The following VWF variants were observed in gnomAD, a reference collection of about 807,000 sequenced individuals.
VWF encodes von Willebrand factor.
VWF carries 176 observed loss-of-function variants against 308.6 expected under a neutral mutation model. The observed-to-expected ratio is 0.57, with a 90% CI of 0.50 to 0.65. The LOEUF (loss-of-function observed/expected upper bound fraction) is 0.65. Ranked by LOEUF, VWF falls within the 30% of genes least tolerant of loss-of-function variation. The pLI is 0.00. For missense variants in VWF, 3,146 were observed against 3,648.2 expected, an observed-to-expected ratio of 0.86 and a Z score of 3.55; for synonymous variants, 1,385 against 1,443.4, an observed-to-expected ratio of 0.96 and a Z score of 0.92.
At chr12:6,069,277 GT>G (rs1447214088) in intron 10 of VWF, among the ~76,000 whole-genome samples, 1 of 152,096 alleles carries the variant, frequency 6.6e-6, no homozygotes, top group African/African-American at 2.4e-5. Flanking sequence ...ACTCATCCAA[GT>G]TCCCAAAGAA....
chr12:6,075,493 G>A lies in VWF; in HGVS notation c.716C>T (p.Pro239Leu). 3 of 1,614,240 alleles carry A rather than the reference G, an allele frequency of 1.9e-6. No homozygotes were observed. In the African/African-American group the frequency reaches 4.0e-5, roughly 22 times the overall value. Residue 239 changes from proline to leucine, a missense_variant, in exon 7 of 52, where the codon CCT (proline) becomes CTT (leucine). This residue lies in a region of VWF where 1,304 missense variants were observed against 1,353.0 expected (regional missense o/e 0.96). Transcript: ENST00000261405. The surrounding 1 kb of genome is among the most constrained non-coding windows in gnomAD (Gnocchi z 4.7). ...KSTSVFARCHPLVDPEPFVAL... is the reference protein window; with the variant it reads ...KSTSVFARCHLLVDPEPFVAL... ...CACAAAAGGCTCGGGGTCCACCAGA[G>A]GGTGGCAGCGGGCAAACACCGAGGT...
rs756900095 is a variant in VWF, at chr12:6,016,502, G to A, written c.5311+14C>T. Reference sequence around the variant, plus strand: ...AATGCAGCTTCTGCATCCAGCCTGTGGCACCAACGTTACCGATTTGGCTGG... The same window carrying A: ...AATGCAGCTTCTGCATCCAGCCTGTAGCACCAACGTTACCGATTTGGCTGG... On this transcript the variant is annotated intron_variant, in intron 30 of 51. Coordinates refer to ENST00000261405, the MANE Select transcript of VWF (RefSeq NM_000552.5). The A allele has an allele frequency of 6.2e-7, 1 of 1,612,902 alleles. No individual in the cohort carries two copies. Among genetic ancestry groups the A allele is most frequent in the East Asian group, 2.2e-5 (1 of 44,854 alleles).
intron 6 of VWF, among the ~76,000 whole-genome samples, chr12:6,081,269 G>A (rs1944907381): frequency 6.6e-6 from 1 of 152,152 alleles, no homozygotes; most frequent in Admixed American, 6.5e-5. Flanking sequence ...GGCTGATACA[G>A]ACAGCCTTTC....
chr12:6,089,222 C>CGAGT (rs1003189568), intron 6 of VWF, among the ~76,000 whole-genome samples: 7 of 152,264 alleles, frequency 4.6e-5, no homozygotes, highest in Non-Finnish European at 1.0e-4. Flanking sequence ...TCTTGGGAGA[C>CGAGT]GAGTCATTGT....
At chr12:5,953,299 G>A (rs569787145) in intron 48 of VWF, among the ~76,000 whole-genome samples, 197 bp downstream of exon 48, 1 of 152,094 alleles carries the variant, frequency 6.6e-6, no homozygotes, top group South Asian at 2.1e-4. Context: ...GTCAAGAAGA[G>A]CAACAAAATA....
intron 6 of VWF, among the ~76,000 whole-genome samples, chr12:6,092,351 T>C (rs1263990416): frequency 6.6e-6 from 1 of 151,826 alleles, no homozygotes; most frequent in East Asian, 1.9e-4. Flanking sequence ...CGGGTTTTTT[T>C]TTTTCTTTTG....
chr12:6,072,189 C>T (rs1944789069), intron 9 of VWF, 142 bp downstream of exon 9: 2 of 721,258 alleles, frequency 2.8e-6, no homozygotes, highest in East Asian at 2.7e-5. Flanking sequence ...GTCCCTAGCC[C>T]CCACCAGTAG....
At position 6,095,601 on chromosome 12, in the gene VWF, C is replaced by A; in HGVS notation, c.533-17G>T. The stretch of plus-strand genomic sequence containing the variant: ...TCAAGGTCCCTGTGGAGGAAAGTTT[C>A]AGGAAAGTAATGCTTCAGTTATGCC... On this transcript the variant is annotated splice_polypyrimidine_tract_variant and intron_variant, in intron 5 of 51. Coordinates refer to ENST00000261405, the MANE Select transcript of VWF (RefSeq NM_000552.5). 6.2e-7 allele frequency: 1 copy of A among 1,614,052 alleles called. No individual in the cohort carries two copies. The highest frequency in any genetic ancestry group is 8.5e-7 in the Non-Finnish European group (1 of 1,179,950).
rs1182534694 is a variant in VWF at position 6,082,162 on chromosome 12, C to T, written c.658-6611G>A. 2.0e-5 allele frequency among the ~76,000 whole-genome samples: 3 copies of T among 151,882 alleles called. No homozygotes were observed. In the East Asian group the frequency reaches 5.9e-4, roughly 30 times the overall value. On this transcript the variant is annotated intron_variant, in intron 6 of 51. Coordinates refer to ENST00000261405, the MANE Select transcript of VWF (RefSeq NM_000552.5). ...TTGTATTTTTAGTAGAGACTGGGTT[C>T]CACCATGTTGGTCAGGCTGGTCTCG...
intron 3 of VWF, among the ~76,000 whole-genome samples, chr12:6,116,414 C>T (rs1255327840): frequency 1.3e-5 from 2 of 152,254 alleles, no homozygotes; most frequent in South Asian, 4.1e-4. Flanking sequence ...GTGGAACTCA[C>T]TCATCTGCAT....
intron 47 of VWF, among the ~76,000 whole-genome samples, chr12:5,960,680 C>T (rs1943304145): frequency 6.6e-6 from 1 of 152,156 alleles, no homozygotes; most frequent in Non-Finnish European, 1.5e-5. Flanking sequence ...GGTTGGCTCA[C>T]CATTTGAAAT....
At chr12:6,062,817 G>T in intron 13 of VWF, 137 bp downstream of exon 13, 1 of 717,988 alleles carries the variant, frequency 1.4e-6, no homozygotes, top group Non-Finnish European at 2.4e-6. Flanking sequence ...AGAGAGGCCT[G>T]TTTCTCGCTC....
intron 41 of VWF, 22 bp from the exon 42 acceptor site, chr12:5,982,013 A>G (rs377186688): frequency 3.0e-5 from 48 of 1,610,384 alleles, no homozygotes; most frequent in Non-Finnish European, 3.9e-5. Context: ...ACAAGGCCAC[A>G]CTGAGCACTG....
chr12:6,072,507 T>C (rs1002838927), intron 8 of VWF, 65 bp from the exon 9 acceptor site: 16 of 1,326,946 alleles, frequency 1.2e-5, no homozygotes, highest in Non-Finnish European at 1.5e-5. Context: ...CCCACAACTA[T>C]AGAATCCCCA....
intron 42 of VWF, among the ~76,000 whole-genome samples, chr12:5,976,896 G>A (rs966337091): frequency 2.2e-4 from 34 of 152,172 alleles, no homozygotes; most frequent in East Asian, 1.9e-4. Flanking sequence ...GACAATGCTC[G>A]GACATCCTTT....
chr12:5,970,517 G>A (rs1943460591), intron 44 of VWF, among the ~76,000 whole-genome samples: 1 of 152,102 alleles, frequency 6.6e-6, no homozygotes, highest in Admixed American at 6.5e-5. Context: ...CTTGACCCTG[G>A]GGAGAAGAAA....
intron 5 of VWF, among the ~76,000 whole-genome samples, chr12:6,098,342 G>C (rs1945126393): frequency 6.6e-6 from 1 of 152,146 alleles, no homozygotes. Context: ...AAACCTTAAA[G>C]CCTGGGAATA....
intron 34 of VWF, among the ~76,000 whole-genome samples, chr12:6,007,141 T>C (rs1943937995): frequency 6.6e-6 from 1 of 152,230 alleles, no homozygotes; most frequent in Admixed American, 6.5e-5. Context: ...GAGATTTTAA[T>C]ATCTCACTTT....
rs753407706 is a variant in VWF at position 6,019,320 on chromosome 12, G to C, written c.4098C>G (p.Phe1366Leu). The change falls in exon 28 of 52, where the codon TTC becomes TTG. Residue 1366 changes from phenylalanine (F) to leucine (L), a missense_variant. By Grantham distance (22) the Phe-to-Leu change is conservative. This residue lies in a region of VWF where 853 missense variants were observed against 1,177.8 expected (regional missense o/e 0.72). Transcript: ENST00000261405. This position sits in a 1 kb window ranked among gnomAD's most constrained non-coding sequence, Gnocchi z 5.8. ...GGCGGTCGATCTTGCTGAAGATTTGGAACAGTGTGTATTTCAAGACCTCGC... is the reference window on the plus strand; with the variant it reads ...GGCGGTCGATCTTGCTGAAGATTTGCAACAGTGTGTATTTCAAGACCTCGC... ...STSEVLKYTLFQIFSKIDRPE... is the reference protein window; with the variant it reads ...STSEVLKYTLLQIFSKIDRPE... 1.9e-6 allele frequency: 3 copies of C among 1,613,842 alleles called. No individual in the cohort carries two copies. Among genetic ancestry groups the C allele is most frequent in the East Asian group, 2.2e-5 (1 of 44,882 alleles).
Sources: allele counts gnomAD v4.1 joint callset (sites outside exome capture counted in the v4.1 genomes callset), GRCh38; gene constraint gnomAD v4.1.1; regional missense constraint gnomAD v4.1.1; non-coding constraint Gnocchi (gnomAD v3.1); transcripts MANE v1.5; gene names NCBI Gene and HGNC (gene_info 2026-07-23, HGNC 2026-07-21).